Variants in DIAPH3 observed in about 807,000 individuals in gnomAD.
DIAPH3 encodes the protein protein diaphanous homolog 3.
In DIAPH3, 117 loss-of-function variants were observed where a neutral mutation model predicts 144.3. That is an observed-to-expected ratio of 0.81 (90% CI 0.70 to 0.95). The LOEUF (loss-of-function observed/expected upper bound fraction) is 0.95, where lower values mean the gene tolerates loss of function less well. Ranked by LOEUF, DIAPH3 falls within the 40% of genes least tolerant of loss-of-function variation. The pLI, the probability that DIAPH3 is intolerant of heterozygous loss-of-function variation, is 0.00. For synonymous variants in DIAPH3, 519 were observed against 488.9 expected, an observed-to-expected ratio of 1.06 and a Z score of -0.81; for missense variants, 1,421 against 1,412.7, an observed-to-expected ratio of 1.01 and a Z score of -0.09.
Position 59,974,823 on chromosome 13 carries a change from C to T in DIAPH3, c.1546-367G>A, listed in dbSNP as rs147147505. On this transcript the variant is annotated intron_variant, in intron 14 of 27. Coordinates refer to ENST00000400324, the MANE Select transcript of DIAPH3 (RefSeq NM_001042517.2). ...AAAGCATTGTACAAATTCCTTGCAT[C>T]TTCCACCTGCAAAAACTTATTCTTG... Among the ~76,000 whole-genome samples the T allele has an allele frequency of 4.4e-3, 664 of 152,152 alleles. 8 individuals are homozygous for T. The highest frequency in any genetic ancestry group is 0.015 in the African/African-American group (634 of 41,540).
intron 24 of DIAPH3, among the ~76,000 whole-genome samples, chr13:59,830,196 C>T (rs1219478523): frequency 6.6e-6 from 1 of 151,734 alleles, no homozygotes; most frequent in Non-Finnish European, 1.5e-5. Context: ...CCTGACAAAA[C>T]GAGACATTTA....
chr13:59,745,798 G>A (rs1165917071), intron 27 of DIAPH3, among the ~76,000 whole-genome samples: 1 of 152,160 alleles, frequency 6.6e-6, no homozygotes, highest in Non-Finnish European at 1.5e-5. Flanking sequence ...GCATACCTTA[G>A]GGATATGTAA....
intron 17 of DIAPH3, among the ~76,000 whole-genome samples, chr13:59,958,793 T>C (rs1490492057): frequency 6.6e-6 from 1 of 151,020 alleles, no homozygotes; most frequent in African/African-American, 2.4e-5. Flanking sequence ...CCTAAAAATC[T>C]AGAAAGGCAT....
chr13:60,076,446 C>T (rs543644844), intron 4 of DIAPH3, among the ~76,000 whole-genome samples: 80 of 152,126 alleles, frequency 5.3e-4, no homozygotes, highest in Non-Finnish European at 1.0e-3. Flanking sequence ...CTTTTCATGG[C>T]TGTGTTGTTT....
At chr13:59,883,470 G>T (rs2045224248) in intron 20 of DIAPH3, among the ~76,000 whole-genome samples, 1 of 151,994 alleles carries the variant, frequency 6.6e-6, no homozygotes, top group Non-Finnish European at 1.5e-5. Flanking sequence ...CTTCCCTGAA[G>T]TTATTATGAA....
chr13:59,771,530 G>C (rs2038121336), intron 27 of DIAPH3, among the ~76,000 whole-genome samples: 1 of 152,030 alleles, frequency 6.6e-6, no homozygotes. Flanking sequence ...GAGAACCTCT[G>C]AGAGGCTGTG....
intron 18 of DIAPH3, among the ~76,000 whole-genome samples, chr13:59,923,331 C>T (rs555385041): frequency 2.3e-4 from 35 of 152,194 alleles, no homozygotes; most frequent in South Asian, 4.1e-4. Context: ...ATCACAGATA[C>T]GGAACTTTCT....
chr13:59,852,313 T>C (rs1008962556), intron 22 of DIAPH3, among the ~76,000 whole-genome samples: 7 of 152,242 alleles, frequency 4.6e-5, no homozygotes, highest in African/African-American at 1.7e-4. Context: ...TAGATTTTCC[T>C]AGCACTTATA....
chr13:59,837,221 A>G (rs2042085190), intron 23 of DIAPH3, among the ~76,000 whole-genome samples: 1 of 152,068 alleles, frequency 6.6e-6, no homozygotes, highest in Non-Finnish European at 1.5e-5. Context: ...ATATTTAATG[A>G]CAGGATGTAG....
In DIAPH3 at chr13:60,027,707, A is replaced by T. The variant is rs369939529; in HGVS notation, c.627-11562T>A. ...AAAGGAACATATTATAAAAAAGGAA[A>T]TATCTTATTTGGAATGTGTTAAATA... is the stretch of plus-strand genomic sequence containing the variant. On this transcript the variant is annotated intron_variant, in intron 5 of 27. Coordinates refer to ENST00000400324, the MANE Select transcript of DIAPH3 (RefSeq NM_001042517.2). Among the ~76,000 whole-genome samples, 390 of 152,284 alleles carry T rather than the reference A, an allele frequency of 2.6e-3. 28 individuals are homozygous for T. In the South Asian group the frequency reaches 0.079, roughly 31 times the overall value.
At chr13:59,820,890 C>G (rs573593152) in intron 24 of DIAPH3, among the ~76,000 whole-genome samples, 4 of 151,758 alleles carry the variant, frequency 2.6e-5, no homozygotes, top group African/African-American at 7.2e-5. Context: ...TACTTCATCT[C>G]TATTTCAGTC....
At chr13:59,808,398 A>G (rs1566340868) in intron 25 of DIAPH3, among the ~76,000 whole-genome samples, 1 of 152,006 alleles carries the variant, frequency 6.6e-6, no homozygotes, top group Non-Finnish European at 1.5e-5. Flanking sequence ...AATAAAACAT[A>G]ATTTTAAAAT....
rs140652991 is a variant in DIAPH3 at position 59,788,659 on chromosome 13, A to G, written c.3164-13836T>C. The stretch of plus-strand genomic sequence containing the variant: ...ATTGACTAAATAAACTATGACATCC[A>G]TATACCAGAATATTTTGTACTGTCA... On this transcript the variant is annotated intron_variant, in intron 25 of 27. Coordinates refer to ENST00000400324, the MANE Select transcript of DIAPH3 (RefSeq NM_001042517.2). 2.4e-3 allele frequency among the ~76,000 whole-genome samples: 372 copies of G among 152,356 alleles called. 1 individual carries two copies. Among genetic ancestry groups the G allele is most frequent in the African/African-American group, 8.4e-3 (350 of 41,574 alleles).
At chr13:60,136,943 A>T (rs77142037) in intron 1 of DIAPH3, among the ~76,000 whole-genome samples, 2 of 3,046 alleles carry the variant, frequency 6.6e-4, no homozygotes, top group African/African-American at 4.5e-3. Context: ...CCGTCTCAAA[A>T]AAAAAAAAAA....
chr13:59,751,509 G>T (rs762028632), intron 27 of DIAPH3, among the ~76,000 whole-genome samples: 1 of 152,128 alleles, frequency 6.6e-6, no homozygotes, highest in South Asian at 2.1e-4. Flanking sequence ...TCATTGCTAC[G>T]AGTGTTATTT....
chr13:59,745,728 G>A (rs1185697460), intron 27 of DIAPH3, among the ~76,000 whole-genome samples: 2 of 152,156 alleles, frequency 1.3e-5, no homozygotes, highest in African/African-American at 4.8e-5. Context: ...ACTGTTCTCA[G>A]CTCCAGTGAA....
chr13:60,021,889 C>G (rs899564399), intron 5 of DIAPH3, among the ~76,000 whole-genome samples: 1 of 152,100 alleles, frequency 6.6e-6, no homozygotes, highest in Non-Finnish European at 1.5e-5. Context: ...AGTTGAGTCT[C>G]TTATTCATAA....
intron 27 of DIAPH3, among the ~76,000 whole-genome samples, chr13:59,718,091 A>G (rs1255926445): frequency 2.0e-5 from 3 of 150,028 alleles, no homozygotes; most frequent in Admixed American, 6.6e-5. Context: ...ACTTATCACA[A>G]CCTCTCATGG....
intron 4 of DIAPH3, among the ~76,000 whole-genome samples, chr13:60,066,379 T>G (rs577932218): frequency 2.6e-5 from 4 of 152,172 alleles, no homozygotes; most frequent in Non-Finnish European, 4.4e-5. Context: ...ATAGTCACCA[T>G]ATCACAGGTC....
Sources: allele counts gnomAD v4.1 joint callset (sites outside exome capture counted in the v4.1 genomes callset), GRCh38; gene constraint gnomAD v4.1.1; transcripts MANE v1.5; gene names NCBI Gene and HGNC (gene_info 2026-07-23, HGNC 2026-07-21).